Variants in TRIM9 observed in about 807,000 individuals in gnomAD.
TRIM9 encodes the protein E3 ubiquitin-protein ligase TRIM9.
Under a neutral mutation model 78.3 loss-of-function variants are expected in TRIM9, and 26 were observed. The observed-to-expected ratio is 0.33, with a 90% CI of 0.24 to 0.46. The LOEUF (loss-of-function observed/expected upper bound fraction) is 0.46, where lower values mean the gene tolerates loss of function less well. Among genes scored for constraint, TRIM9 ranks in the 20% least tolerant of loss-of-function variants. The probability of loss-of-function intolerance (pLI) is 1.00; values close to 1 mark genes in which losing one functional copy is unlikely to be tolerated. For synonymous variants in TRIM9, 398 were observed against 416.5 expected, an observed-to-expected ratio of 0.96 and a Z score of 0.54; for missense variants, 787 against 1,036.4, an observed-to-expected ratio of 0.76 and a Z score of 3.30.
At chr14:51,049,808 G>C (rs367787981) in intron 1 of TRIM9, among the ~76,000 whole-genome samples, 2 of 151,012 alleles carry the variant, frequency 1.3e-5, no homozygotes, top group African/African-American at 2.4e-5. Flanking sequence ...CTGGGTGACA[G>C]AGCGAGACTC....
At chr14:50,997,729 G>T in intron 7 of TRIM9, 1 of 1,260,896 alleles carries the variant, frequency 7.9e-7, no homozygotes, top group South Asian at 2.4e-5. Flanking sequence ...CTAGAGCCTA[G>T]ATACATTTGT....
At chr14:51,013,010 T>G (rs2056755149) in intron 3 of TRIM9, among the ~76,000 whole-genome samples, 1 of 152,234 alleles carries the variant, frequency 6.6e-6, no homozygotes, top group South Asian at 2.1e-4. Context: ...TCACTCCTTG[T>G]GTCCTTTGAG....
chr14:51,053,232 A>C (rs539344591), intron 1 of TRIM9, among the ~76,000 whole-genome samples: 255 of 152,078 alleles, frequency 1.7e-3, no homozygotes, highest in Non-Finnish European at 2.9e-3. Flanking sequence ...AAACGCAAAA[A>C]GAATCTTAAA....
At chr14:51,036,547 A>G (rs1416108775) in intron 1 of TRIM9, among the ~76,000 whole-genome samples, 2 of 152,174 alleles carry the variant, frequency 1.3e-5, no homozygotes, top group Non-Finnish European at 2.9e-5. Context: ...ACAACCCTAA[A>G]TCATCTCTAG....
At position 51,000,827 on chromosome 14, in the gene TRIM9, G is replaced by A; in HGVS notation, c.1320C>T (p.Val440=). 6.2e-7 allele frequency: 1 copy of A among 1,614,132 alleles called. No homozygotes were observed. The highest frequency in any genetic ancestry group is 1.1e-5 in the South Asian group (1 of 91,080). ...DFVQVKASSP[V]PATPILQLEE... ...CCAGCTGTAGGATAGGGGTTGCTGG[G>A]ACTGGAGAGGAAGCTAAACAGAAAT... is the stretch of plus-strand genomic sequence containing the variant. The change falls in exon 6 of 13, where the codon GTC becomes GTT. Residue 440 remains valine, a synonymous_variant. Transcript: ENST00000684578.
At chr14:51,071,262 G>C (rs2062212164) in intron 1 of TRIM9, among the ~76,000 whole-genome samples, 1 of 151,680 alleles carries the variant, frequency 6.6e-6, no homozygotes, top group Non-Finnish European at 1.5e-5. Flanking sequence ...TGTAATCCCA[G>C]CTACTCTGGA....
At chr14:51,072,804 C>T (rs1194335676) in intron 1 of TRIM9, among the ~76,000 whole-genome samples, 1 of 152,046 alleles carries the variant, frequency 6.6e-6, no homozygotes, top group Non-Finnish European at 1.5e-5. Context: ...CTAAGTGAAG[C>T]TCTGAAATAT....
intron 4 of TRIM9, 85 bp downstream of exon 4, chr14:51,010,299 G>A: frequency 9.4e-7 from 1 of 1,060,020 alleles, no homozygotes. Context: ...GGCCCACCCA[G>A]GGCTGTTGGA....
intron 8 of TRIM9, among the ~76,000 whole-genome samples, chr14:50,985,134 T>C (rs2052525252): frequency 6.6e-6 from 1 of 152,232 alleles, no homozygotes; most frequent in Non-Finnish European, 1.5e-5. Flanking sequence ...CTGCATCTTA[T>C]ATATTTTAAC....
At chr14:51,081,030 C>T (rs374473525) in intron 1 of TRIM9, among the ~76,000 whole-genome samples, 70 of 152,330 alleles carry the variant, frequency 4.6e-4, no homozygotes, top group East Asian at 2.5e-3. Context: ...TTTCCTCCCA[C>T]GCAGGTCTGT....
intron 1 of TRIM9, among the ~76,000 whole-genome samples, chr14:51,053,593 T>TTTATTTTTTTTTTTTTTTTTTA (rs1555344763): frequency 1.7e-5 from 2 of 114,996 alleles, no homozygotes; most frequent in African/African-American, 3.7e-5. Flanking sequence ...TTTTTTTTTT[T>TTTATTTTTTTTTTTTTTTTTTA]AATTTTTTTT....
chr14:51,019,716 G>A (rs1174045657), intron 3 of TRIM9, among the ~76,000 whole-genome samples: 1 of 152,184 alleles, frequency 6.6e-6, no homozygotes, highest in Non-Finnish European at 1.5e-5. Context: ...ATTGTGCTAA[G>A]TGCTTTGCAA....
chr14:51,078,187 T>C (rs28681426), intron 1 of TRIM9, among the ~76,000 whole-genome samples: 2,783 of 152,250 alleles, frequency 0.018, 38 homozygotes, highest in Non-Finnish European at 0.025. Flanking sequence ...CAGATCTAAA[T>C]TCTTTAACAT....
At chr14:51,037,294 G>A (rs2059233807) in intron 1 of TRIM9, among the ~76,000 whole-genome samples, 1 of 152,162 alleles carries the variant, frequency 6.6e-6, no homozygotes, top group African/African-American at 2.4e-5. Context: ...ATATGATTGT[G>A]TAGGTTAGCT....
intron 1 of TRIM9, among the ~76,000 whole-genome samples, chr14:51,081,927 G>T (rs1372530973): frequency 2.0e-5 from 3 of 152,148 alleles, no homozygotes; most frequent in Non-Finnish European, 4.4e-5. Context: ...AAATCTTGTT[G>T]TTCAAGAGTT....
chr14:51,002,709 G>A (rs1215241110), intron 5 of TRIM9, among the ~76,000 whole-genome samples: 1 of 152,128 alleles, frequency 6.6e-6, no homozygotes, highest in East Asian at 1.9e-4. Flanking sequence ...AGGTTCTATG[G>A]CAGATAACCT....
In TRIM9 at chr14:51,025,432, A is replaced by G. The variant is rs1471884214; in HGVS notation, c.823-72T>C. The G allele has an allele frequency of 1.7e-5, 4 of 232,384 alleles. No individual in the cohort carries two copies. In the East Asian group the frequency reaches 2.1e-4, roughly 12 times the overall value. The allele number at this position is 232,384 out of a possible 1,614,324, so 14.4% of individuals were successfully genotyped here. On this transcript the variant is annotated intron_variant, in intron 1 of 12. Transcript: ENST00000684578. ...ACCAACAAGGCCAGCGAGACTCAAA[A>G]CTGAAGAGTCATCAACCTCCTCAGA... is the stretch of plus-strand genomic sequence containing the variant.
chr14:50,989,655 T>C (rs919629170), intron 7 of TRIM9, among the ~76,000 whole-genome samples: 1 of 152,178 alleles, frequency 6.6e-6, no homozygotes, highest in Non-Finnish European at 1.5e-5. Context: ...CTTTGCTGAA[T>C]GAAAGCAGTT....
intron 3 of TRIM9, among the ~76,000 whole-genome samples, chr14:51,019,410 A>T (rs1433239830): frequency 6.6e-6 from 1 of 152,240 alleles, no homozygotes; most frequent in Non-Finnish European, 1.5e-5. Context: ...TTTACATTTC[A>T]AACAGTTTCC....
Sources: allele counts gnomAD v4.1 joint callset (sites outside exome capture counted in the v4.1 genomes callset), GRCh38; gene constraint gnomAD v4.1.1; transcripts MANE v1.5; gene names NCBI Gene and HGNC (gene_info 2026-07-23, HGNC 2026-07-21).